Variants in DMD observed in about 807,000 individuals in gnomAD.
DMD encodes the protein mutant dystrophin.
Under a neutral mutation model 330.1 loss-of-function variants are expected in DMD, and 63 were observed. That is an observed-to-expected ratio of 0.19 (90% CI 0.16 to 0.24). The LOEUF (loss-of-function observed/expected upper bound fraction) is 0.24, where lower values mean the gene tolerates loss of function less well. Ranked by LOEUF, DMD falls within the 10% of genes least tolerant of loss-of-function variation. DMD has a pLI of 1.00. For synonymous variants in DMD, 1,223 were observed against 959.8 expected (o/e 1.27, Z -5.07); for missense variants, 3,344 against 2,684.1 (o/e 1.25, Z -5.43).
intron 19 of DMD, 146 bp downstream of exon 19, chrX:32,501,609 A>C: frequency 2.0e-6 from 1 of 492,180 alleles, no homozygotes; most frequent in Non-Finnish European, 3.5e-6. Flanking sequence ...TAGCATTAAA[A>C]AAAGAATAAT....
chrX:31,794,749 A>T (rs1158112556), intron 50 of DMD, among the ~76,000 whole-genome samples: 1 of 107,932 alleles, frequency 9.3e-6, no homozygotes, highest in African/African-American at 3.4e-5. Context: ...AGCTATATAG[A>T]TTCCAATTAA....
chrX:32,986,358 TA>T (rs2092842909), intron 2 of DMD, among the ~76,000 whole-genome samples: 1 of 112,343 alleles, frequency 8.9e-6, no homozygotes, highest in Non-Finnish European at 1.9e-5. Flanking sequence ...TTACTATAAA[TA>T]AGTCTTACAT....
chrX:33,019,677 A>G (rs2093875889), intron 2 of DMD, among the ~76,000 whole-genome samples: 1 of 111,729 alleles, frequency 9.0e-6, no homozygotes, highest in African/African-American at 3.2e-5. Context: ...AGATGAACTT[A>G]TTGTCTTTAA....
intron 2 of DMD, among the ~76,000 whole-genome samples, chrX:32,936,901 ACGTG>A (rs1421787805): frequency 1.8e-5 from 2 of 111,914 alleles, no homozygotes. Flanking sequence ...TTATCAAAAA[ACGTG>A]TAATGCTTTA....
At chrX:33,270,335 GA>G (rs200565487) in intron 1 of DMD, among the ~76,000 whole-genome samples, 77 of 104,328 alleles carry the variant, frequency 7.4e-4, no homozygotes, top group Non-Finnish European at 1.2e-3. Flanking sequence ...AATAGACAAG[GA>G]AAAAAAAAAA....
chrX:31,408,910 T>C (rs932348237), intron 60 of DMD, among the ~76,000 whole-genome samples: 14 of 111,526 alleles, frequency 1.3e-4, no homozygotes, highest in Non-Finnish European at 2.6e-4. Context: ...GCGTTACGTA[T>C]ATCTCCTAAT....
At chrX:32,680,702 A>T (rs1296015496) in intron 9 of DMD, among the ~76,000 whole-genome samples, 1 of 111,804 alleles carries the variant, frequency 8.9e-6, no homozygotes, top group Non-Finnish European at 1.9e-5. Context: ...ATGTACTTAA[A>T]AATAGAAATT....
At chrX:32,550,870 C>G (rs1012626396) in intron 16 of DMD, among the ~76,000 whole-genome samples, 4 of 111,090 alleles carry the variant, frequency 3.6e-5, no homozygotes, top group African/African-American at 1.3e-4. Context: ...CCTATGCACA[C>G]AAGCTAGAAA....
At chrX:32,067,315 T>G (rs750311913) in intron 44 of DMD, among the ~76,000 whole-genome samples, 60 of 111,518 alleles carry the variant, frequency 5.4e-4, no homozygotes, top group Non-Finnish European at 9.4e-4. Flanking sequence ...TATAATACAT[T>G]AGATACTTTT....
At chrX:31,672,571 T>C (rs1458811768) in intron 53 of DMD, among the ~76,000 whole-genome samples, 1 of 112,396 alleles carries the variant, frequency 8.9e-6, no homozygotes, top group Non-Finnish European at 1.9e-5. Flanking sequence ...TTGCTTTCTG[T>C]ATTTCCTTAA....
intron 51 of DMD, among the ~76,000 whole-genome samples, chrX:31,772,138 G>A (rs2090380365): frequency 2.7e-5 from 3 of 112,220 alleles, no homozygotes; most frequent in Middle Eastern, 4.6e-3. Flanking sequence ...AGTTCGTGGT[G>A]GAACCAAATA....
chrX:33,108,791 G>A (rs2095313673), intron 1 of DMD, among the ~76,000 whole-genome samples: 1 of 99,405 alleles, frequency 1.0e-5, no homozygotes, highest in African/African-American at 3.6e-5. Context: ...GCTTGAACCT[G>A]GGAGGTGGAG....
chrX:31,263,712 T>A (rs771909970), intron 62 of DMD, among the ~76,000 whole-genome samples: 7 of 112,425 alleles, frequency 6.2e-5, no homozygotes, highest in African/African-American at 2.3e-4. Flanking sequence ...TTCTAAGCAA[T>A]GCAAAAGAAC....
intron 7 of DMD, among the ~76,000 whole-genome samples, chrX:32,752,853 G>A (rs1461371959): frequency 2.7e-5 from 3 of 110,309 alleles, no homozygotes; most frequent in Non-Finnish European, 5.7e-5. Context: ...CCCTGCACAA[G>A]CTTTCTTTGC....
intron 47 of DMD, among the ~76,000 whole-genome samples, chrX:31,908,967 G>A (rs747830502): frequency 2.7e-5 from 3 of 111,909 alleles, no homozygotes; most frequent in Admixed American, 9.4e-5. Flanking sequence ...GTGGGGCACC[G>A]ACAGTATCTG....
chrX:32,593,812 T>C lies in DMD; in HGVS notation c.1602+1945A>G, dbSNP rs73461753. On this transcript the variant is annotated intron_variant, in intron 13 of 78. Coordinates refer to ENST00000357033, the MANE Select transcript of DMD (RefSeq NM_004006.3). Reference sequence around the variant, plus strand: ...AAAATTTAGTTTATAAAAATATTTCTCAATCAAATAAGTTAACTGGCATCA... The same window carrying C: ...AAAATTTAGTTTATAAAAATATTTCCCAATCAAATAAGTTAACTGGCATCA... 8.6e-3 allele frequency among the ~76,000 whole-genome samples: 964 copies of C among 112,488 alleles called. 9 individuals are homozygous for C. The highest frequency in any genetic ancestry group is 0.029 in the African/African-American group (906 of 30,952).
rs1312256471 is a variant in DMD, at chrX:31,774,012, C to A, written c.7490G>T (p.Arg2497Met). The A allele has an allele frequency of 8.3e-7, 1 of 1,210,342 alleles. No individual in the cohort carries two copies. The highest frequency in any genetic ancestry group is 1.1e-6 in the Non-Finnish European group (1 of 895,176). The change falls in exon 51 of 79, where the codon AGG becomes ATG. Residue 2497 changes from arginine to methionine, a missense_variant. Arg to Met is a moderately conservative substitution (Grantham distance 91). Coordinates refer to ENST00000357033, the MANE Select transcript of DMD (RefSeq NM_004006.3). ...ATCCTCAAGGTCACCCACCATCACCCTCTGTGATTTTATAACTTGATCAAG... is the reference window on the plus strand; with the variant it reads ...ATCCTCAAGGTCACCCACCATCACCATCTGTGATTTTATAACTTGATCAAG... ...SLLDQVIKSQ[R>M]VMVGDLEDIN...
At chrX:31,841,929 G>C (rs2093325339) in intron 48 of DMD, among the ~76,000 whole-genome samples, 1 of 112,077 alleles carries the variant, frequency 8.9e-6, no homozygotes, top group Non-Finnish European at 1.9e-5. Flanking sequence ...TTGGACAAAG[G>C]AGTCATTTCA....
intron 62 of DMD, among the ~76,000 whole-genome samples, chrX:31,270,093 C>T (rs2051501133): frequency 1.8e-5 from 2 of 111,645 alleles, no homozygotes; most frequent in Admixed American, 1.9e-4. Flanking sequence ...AGCCACAAGT[C>T]TTGTTGGCCA....
Sources: allele counts gnomAD v4.1 joint callset (sites outside exome capture counted in the v4.1 genomes callset), GRCh38; gene constraint gnomAD v4.1.1; transcripts MANE v1.5; gene names NCBI Gene and HGNC (gene_info 2026-07-23, HGNC 2026-07-21).